MON2: variants seen among roughly 807,000 people sequenced by gnomAD.
MON2 encodes protein MON2 homolog.
MON2 carries 84 observed loss-of-function variants against 208.6 expected under a neutral mutation model. The observed-to-expected ratio is 0.40, with a 90% confidence interval of 0.34 to 0.48. The LOEUF (loss-of-function observed/expected upper bound fraction) is 0.48, where lower values mean the gene tolerates loss of function less well. MON2 is among the 20% of genes least tolerant of loss of function. The probability of loss-of-function intolerance (pLI) is 0.59; values close to 1 mark genes in which losing one functional copy is unlikely to be tolerated. For missense variants in MON2, 1,611 were observed against 2,015.4 expected (o/e 0.80, Z 3.84); for synonymous variants, 660 against 694.0 (o/e 0.95, Z 0.77).
rs1398818048 is a variant in MON2 at position 62,588,081 on chromosome 12, G to A, written c.4915G>A (p.Val1639Ile). 1 of 1,559,778 alleles carries A rather than the reference G, an allele frequency of 6.4e-7. No homozygotes were observed. Among genetic ancestry groups the A allele is most frequent in the Admixed American group, 1.7e-5 (1 of 58,732 alleles). The change falls in exon 34 of 35, where the codon GTA (valine) becomes ATA (isoleucine). Residue 1639 changes from valine (V) to isoleucine (I), a missense_variant. Coordinates refer to ENST00000393630, the MANE Select transcript of MON2 (RefSeq NM_015026.3). ...SGKCPLPRQQ[V>I]TEIIFVLKAV... ...TTCCTATCTCTTTTTCAGGCAACAA[G>A]TAACAGAAATTATATTTGTTTTAAA...
rs2072707969 is a variant in MON2 at position 62,532,614 on chromosome 12, A to G, written c.1577A>G (p.Gln526Arg). 1 of 1,614,162 alleles carries G rather than the reference A, an allele frequency of 6.2e-7. No individual in the cohort carries two copies. The highest frequency in any genetic ancestry group is 8.5e-7 in the Non-Finnish European group (1 of 1,179,968). ...ACTGAAGAAGGTTCTTCACCAACAC[A>G]GTCGACAGAACAGCAGGATTTACAG... Reference protein sequence around the residue: ...TTTEEGSSPTQSTEQQDLQST... With the variant: ...TTTEEGSSPTRSTEQQDLQST... Residue 526 changes from glutamine (Q) to arginine (R), a missense_variant, in exon 12 of 35, where the codon CAG becomes CGG. Transcript: ENST00000393630.
chr12:62,538,127 G>A lies in MON2; in HGVS notation c.2150G>A (p.Ser717Asn). 1.2e-6 allele frequency: 2 copies of A among 1,613,736 alleles called. No individual in the cohort carries two copies. The highest frequency in any genetic ancestry group is 1.7e-6 in the Non-Finnish European group (2 of 1,179,810). Reference sequence around the variant, plus strand: ...GTGTGGATTCTGGGATTAAAGCCTAGTAGTGGCGGTGCCTTGAAACCTGGG... The same window carrying A: ...GTGTGGATTCTGGGATTAAAGCCTAATAGTGGCGGTGCCTTGAAACCTGGG... The part of the protein sequence containing the change: ...HLVWILGLKP[S>N]SGGALKPGRA... Residue 717 changes from serine (S) to asparagine (N), a missense_variant, in exon 17 of 35, where the codon AGT (serine) becomes AAT (asparagine). Physicochemically the swap from Ser to Asn is conservative, Grantham distance 46. Coordinates refer to ENST00000393630, the MANE Select transcript of MON2 (RefSeq NM_015026.3).
intron 21 of MON2, among the ~76,000 whole-genome samples, chr12:62,546,543 C>G (rs1397138067): frequency 6.6e-6 from 1 of 151,848 alleles, no homozygotes; most frequent in Non-Finnish European, 1.5e-5. Context: ...CACCTGAGGT[C>G]AGGAGTTCAA....
In MON2 at chr12:62,598,018, C is replaced by T. The variant is rs954174798; in HGVS notation, c.*5269C>T. ...CCATCTTAATATTGATTTATATTGA[C>T]ACTGCCTACTTACAAGAATAATTTG... On this transcript the variant is annotated 3_prime_UTR_variant, in exon 35 of 35. Transcript: ENST00000393630. 1.3e-5 allele frequency: 2 copies of T among 152,152 alleles called. No individual in the cohort carries two copies. The highest frequency in any genetic ancestry group is 2.9e-5 in the Non-Finnish European group (2 of 68,038). The allele number at this position is 152,152 out of a possible 1,614,324, so 9.4% of individuals were successfully genotyped here.
Position 62,544,891 on chromosome 12 carries a change from C to A in MON2, c.2467-7C>A. The A allele has an allele frequency of 6.2e-7, 1 of 1,601,120 alleles. No homozygotes were observed. The highest frequency in any genetic ancestry group is 8.5e-7 in the Non-Finnish European group (1 of 1,172,390). The stretch of plus-strand genomic sequence containing the variant: ...TACAAATTAAACTTAATTTTATATA[C>A]CTTCAGGTCTGCCAGCATCCAAACT... On this transcript the variant is annotated splice_polypyrimidine_tract_variant and splice_region_variant and intron_variant, in intron 20 of 34. Transcript: ENST00000393630.
At chr12:62,560,020 A>G (rs2074138037) in intron 25 of MON2, 1 of 152,758 alleles carries the variant, frequency 6.5e-6, no homozygotes, top group Non-Finnish European at 1.5e-5. Context: ...CTTTTGTTTC[A>G]ACCTCGTTGA....
chr12:62,556,008 A>T lies in MON2; in HGVS notation c.3225A>T (p.Leu1075=). Residue 1075 remains leucine (L), a synonymous_variant, in exon 25 of 35, where the codon CTA becomes CTT. Coordinates refer to ENST00000393630, the MANE Select transcript of MON2 (RefSeq NM_015026.3). ...TAAATATTTAGGTACTCTTTCATCT[A>T]CTGGACAGAGTTCGAGAGTCCTCTA... ...HTVIWKVLFH[L]LDRVRESSTT... The T allele has an allele frequency of 1.2e-6, 2 of 1,610,318 alleles. No individual in the cohort carries two copies. Among genetic ancestry groups the T allele is most frequent in the Non-Finnish European group, 1.7e-6 (2 of 1,177,224 alleles).
intron 21 of MON2, 126 bp downstream of exon 21, chr12:62,545,134 A>G (rs2073425655): frequency 1.8e-6 from 1 of 548,278 alleles, no homozygotes; most frequent in South Asian, 3.7e-5. Flanking sequence ...ATTCTATTTT[A>G]TATGTAGGCC....
chr12:62,502,548 A>G (rs1267112418), intron 7 of MON2, among the ~76,000 whole-genome samples: 1 of 152,152 alleles, frequency 6.6e-6, no homozygotes, highest in African/African-American at 2.4e-5. Flanking sequence ...ATCTCTAGAG[A>G]CAATCTATTA....
Position 62,538,265 on chromosome 12 carries a change from C to T in MON2, c.2213C>T (p.Ala738Val). 6.2e-7 allele frequency: 1 copy of T among 1,613,058 alleles called. No homozygotes were observed. Among genetic ancestry groups the T allele is most frequent in the Non-Finnish European group, 8.5e-7 (1 of 1,179,166 alleles). The change falls in exon 18 of 35, where the codon GCA (alanine) becomes GTA (valine). Residue 738 changes from alanine (A) to valine (V), a missense_variant. Physicochemically the swap from Ala to Val is moderately conservative, Grantham distance 64. Coordinates refer to ENST00000393630, the MANE Select transcript of MON2 (RefSeq NM_015026.3). ...TATTCTTCTCAGGTTCTAACAACAG[C>T]AGTGATGACAGATTTACCAGTGATT... is the stretch of plus-strand genomic sequence containing the variant. ...VEGPSTVLTT[A>V]VMTDLPVISN...
At chr12:62,554,919 C>T (rs1486827612) in intron 24 of MON2, among the ~76,000 whole-genome samples, 7 of 152,118 alleles carry the variant, frequency 4.6e-5, no homozygotes, top group African/African-American at 1.2e-4. Flanking sequence ...CTCAGCCTCC[C>T]GAGTAGCTGG....
chr12:62,487,203 G>C (rs2069850868), intron 2 of MON2, among the ~76,000 whole-genome samples: 1 of 152,002 alleles, frequency 6.6e-6, no homozygotes, highest in Admixed American at 6.6e-5. Flanking sequence ...GAAAATGAGA[G>C]ATAGCAACAT....
chr12:62,550,379 G>A (rs529940343), intron 23 of MON2, among the ~76,000 whole-genome samples: 9 of 152,198 alleles, frequency 5.9e-5, no homozygotes, highest in African/African-American at 2.2e-4. Flanking sequence ...AAAATTAGCT[G>A]TGTATGGTGG....
intron 5 of MON2, among the ~76,000 whole-genome samples, chr12:62,499,864 C>T (rs1437485660): frequency 6.6e-6 from 1 of 151,678 alleles, no homozygotes; most frequent in East Asian, 1.9e-4. Flanking sequence ...CACAGCAAGA[C>T]TCCATCTCAA....
chr12:62,523,698 A>G (rs1407019618), intron 8 of MON2, among the ~76,000 whole-genome samples: 1 of 152,186 alleles, frequency 6.6e-6, no homozygotes, highest in Non-Finnish European at 1.5e-5. Flanking sequence ...GAGATACCCC[A>G]GCTAAAACAT....
At chr12:62,513,402 T>C (rs753804380) in intron 8 of MON2, among the ~76,000 whole-genome samples, 8 of 151,836 alleles carry the variant, frequency 5.3e-5, no homozygotes, top group Non-Finnish European at 8.8e-5. Context: ...ATTTTTGTAT[T>C]TTTAGTAGAG....
intron 8 of MON2, among the ~76,000 whole-genome samples, chr12:62,509,576 A>T (rs1022543989): frequency 6.6e-6 from 1 of 152,220 alleles, no homozygotes; most frequent in African/African-American, 2.4e-5. Context: ...CACTCCACCT[A>T]ACATCAGCAG....
chr12:62,486,127 A>G (rs1253303387), intron 2 of MON2, among the ~76,000 whole-genome samples: 2 of 152,204 alleles, frequency 1.3e-5, no homozygotes, highest in African/African-American at 2.4e-5. Flanking sequence ...CAATCGTATT[A>G]GAATATCACT....
In MON2 at chr12:62,599,116, GA is replaced by G. The variant is rs34135257; in HGVS notation, c.*6377del. ...CACATGTTTAGGATGATCACTTTGG[GA>G]AAAAAAAAATTATAGAGTAAAGGGG... On this transcript the variant is annotated 3_prime_UTR_variant, in exon 35 of 35. Transcript: ENST00000393630. 57,537 of 149,856 alleles carry G rather than the reference GA, an allele frequency of 0.38. 11,237 individuals carry two copies. Among genetic ancestry groups the G allele is most frequent in the African/African-American group, 0.47 (19,251 of 41,022 alleles). The allele number at this position is 149,856 out of a possible 1,614,324, so 9.3% of individuals were successfully genotyped here.
Sources: allele counts gnomAD v4.1 joint callset (sites outside exome capture counted in the v4.1 genomes callset), GRCh38; gene constraint gnomAD v4.1.1; transcripts MANE v1.5; gene names NCBI Gene and HGNC (gene_info 2026-07-23, HGNC 2026-07-21).